The following HLTF variants were observed in gnomAD, a reference collection of about 807,000 sequenced individuals.
HLTF encodes the protein DNA-dependent ATPase/E3 ubiquitin-protein ligase HLTF.
In HLTF, 127 loss-of-function variants were observed where a neutral mutation model predicts 129.4. The observed-to-expected ratio is 0.98, with a 90% CI of 0.85 to 1.14. HLTF has a LOEUF of 1.14. Ranked by LOEUF, HLTF falls within the 50% of genes most tolerant of loss-of-function variation. The pLI, the probability that HLTF is intolerant of heterozygous loss-of-function variation, is 0.00. For missense variants in HLTF, 1,139 were observed against 1,187.1 expected (o/e 0.96, Z 0.60); for synonymous variants, 332 against 388.8 (o/e 0.85, Z 1.72).
chr3:149,041,880 C>T (rs556142248), intron 19 of HLTF: 2 of 577,280 alleles, frequency 3.5e-6, no homozygotes, highest in East Asian at 5.6e-5. Context: ...AGAGAAGCAT[C>T]ATTATAACAT....
chr3:149,077,114 G>A (rs1719428521), intron 2 of HLTF, among the ~76,000 whole-genome samples: 1 of 152,006 alleles, frequency 6.6e-6, no homozygotes, highest in Admixed American at 6.6e-5. Context: ...TGGGTGTGGT[G>A]GCACGCGCCT....
chr3:149,047,220 G>C (rs1180300068), intron 17 of HLTF, among the ~76,000 whole-genome samples: 1 of 134,542 alleles, frequency 7.4e-6, no homozygotes, highest in East Asian at 2.1e-4. Context: ...ATTACATCTT[G>C]CAAAATGGCT....
At chr3:149,033,183 T>C (rs931838406) in intron 24 of HLTF, among the ~76,000 whole-genome samples, 1 of 152,082 alleles carries the variant, frequency 6.6e-6, no homozygotes, top group Non-Finnish European at 1.5e-5. Context: ...TCAAGAATGG[T>C]CACTATCTGC....
Position 149,040,050 on chromosome 3 carries a change from T to C in HLTF, c.2483A>G (p.Glu828Gly), listed in dbSNP as rs1715991552. The C allele has an allele frequency of 6.2e-7, 1 of 1,611,292 alleles. No individual in the cohort carries two copies. Among genetic ancestry groups the C allele is most frequent in the Non-Finnish European group, 8.5e-7 (1 of 1,179,144 alleles). ...ARDSEKKSDM[E>G]WTSSSKINAL... ...CTTTACCTTTGAACTGGATGTCCAT[T>C]CCATATCAGACTTTTTCTCACTGTC... The change falls in exon 21 of 25, where the codon GAA becomes GGA. Residue 828 changes from glutamate to glycine, a missense_variant. Coordinates refer to ENST00000310053, the MANE Select transcript of HLTF (RefSeq NM_003071.4).
Position 149,082,671 on chromosome 3 carries a change from T to C in HLTF, c.228+2011A>G, listed in dbSNP as rs189303232. Among the ~76,000 whole-genome samples, 190 of 152,222 alleles carry C rather than the reference T, an allele frequency of 1.2e-3. 1 individual carries two copies. Among genetic ancestry groups the C allele is most frequent in the African/African-American group, 4.2e-3 (176 of 41,530 alleles). ...CATTTTATCATACGTAAACCACATC[T>C]CAATAAAGTAGAAAAAAAATTAAAA... On this transcript the variant is annotated intron_variant, in intron 2 of 24. Coordinates refer to ENST00000310053, the MANE Select transcript of HLTF (RefSeq NM_003071.4).
intron 7 of HLTF, 72 bp downstream of exon 7, chr3:149,071,180 A>C: frequency 1.1e-6 from 1 of 952,016 alleles, no homozygotes; most frequent in Admixed American, 2.5e-5. Context: ...ATCTCTTTTT[A>C]CTTCAAAATT....
At chr3:149,038,892 TA>T (rs1244978498) in intron 23 of HLTF, among the ~76,000 whole-genome samples, 156 bp downstream of exon 23, 2 of 152,256 alleles carry the variant, frequency 1.3e-5, no homozygotes, top group African/African-American at 4.8e-5. Context: ...AGAAAGCTCT[TA>T]ATCCACATTT....
chr3:149,032,957 CA>C (rs67952189), intron 24 of HLTF, among the ~76,000 whole-genome samples: 35 of 67,710 alleles, frequency 5.2e-4, no homozygotes, highest in Admixed American at 6.3e-4. Context: ...AGCGACGTCT[CA>C]AAAAAAAAAA....
chr3:149,047,175 T>C (rs922673800), intron 17 of HLTF, among the ~76,000 whole-genome samples: 13 of 148,790 alleles, frequency 8.7e-5, no homozygotes, highest in Admixed American at 7.5e-4. Context: ...ATCTTCAGTC[T>C]ATAAACCGGT....
intron 24 of HLTF, 90 bp from the exon 25 acceptor site, chr3:149,032,462 G>A: frequency 1.3e-6 from 1 of 745,036 alleles, no homozygotes; most frequent in South Asian, 2.4e-5. Context: ...TTTGCCTAAT[G>A]GCAAAAACCG....
intron 18 of HLTF, among the ~76,000 whole-genome samples, chr3:149,045,004 G>A (rs973557303): frequency 2.0e-5 from 3 of 152,012 alleles, no homozygotes; most frequent in Admixed American, 1.3e-4. Flanking sequence ...ATCAGATTAC[G>A]TCCCTCTCCT....
In HLTF at chr3:149,063,432, T is replaced by A. The variant is rs1166827125; in HGVS notation, c.1159A>T (p.Arg387Ter). ...CATAATCAAACCATAATAGTTTACCTTTTGGGGCGGGAGCTAGACAATTCT... is the reference window on the plus strand; with the variant it reads ...CATAATCAAACCATAATAGTTTACCATTTGGGGCGGGAGCTAGACAATTCT... Reference protein sequence around the residue: ...MSELSSSRPKRRKTAVQYIES... With the variant: ...MSELSSSRPK The change falls in exon 10 of 25, where the codon AGA becomes TGA. Residue 387 changes from arginine (R) to a stop codon, truncating the protein, a stop_gained and splice_region_variant. Coordinates refer to ENST00000310053, the MANE Select transcript of HLTF (RefSeq NM_003071.4). LOFTEE classifies it high-confidence loss of function. 2 of 1,558,938 alleles carry A rather than the reference T, an allele frequency of 1.3e-6. No homozygotes were observed. The highest frequency in any genetic ancestry group is 1.8e-6 in the Non-Finnish European group (2 of 1,129,884).
Position 149,030,724 on chromosome 3 carries a change from G to C in HLTF, c.*1496C>G, listed in dbSNP as rs1430849098. 1 of 152,170 alleles carries C rather than the reference G, an allele frequency of 6.6e-6. No homozygotes were observed. The highest frequency in any genetic ancestry group is 6.5e-5 in the Admixed American group (1 of 15,276). The allele number at this position is 152,170 out of a possible 1,614,324, so 9.4% of individuals were successfully genotyped here. A position where few individuals can be genotyped will look rare whatever the true frequency, so the allele number is the denominator to read the frequency against. ...TATTCCACTATCATCCCTGCAGAAA[G>C]GTCTTGGTTTTGATGAAAATCAGCC... On this transcript the variant is annotated 3_prime_UTR_variant, in exon 25 of 25. Coordinates refer to ENST00000310053, the MANE Select transcript of HLTF (RefSeq NM_003071.4).
rs1435172002 is a variant in HLTF, at chr3:149,075,955, T to C, written c.321A>G (p.Gln107=). The C allele has an allele frequency of 1.3e-6, 2 of 1,590,006 alleles. No homozygotes were observed. The highest frequency in any genetic ancestry group is 1.1e-5 in the South Asian group (1 of 90,390). The part of the protein sequence containing the change: ...AIKVNNVNGN[Q]VGHLKKELAG... ...CAAGCTCTTTCTTTAAATGGCCAAC[T>C]TGATTTCCATTCACATTGTTTACTT... The change falls in exon 3 of 25, where the codon CAA becomes CAG. Residue 107 remains glutamine (Q), a synonymous_variant. Coordinates refer to ENST00000310053, the MANE Select transcript of HLTF (RefSeq NM_003071.4).
chr3:149,047,197 A>C (rs1314219083), intron 17 of HLTF, among the ~76,000 whole-genome samples: 2 of 57,500 alleles, frequency 3.5e-5, no homozygotes, highest in Non-Finnish European at 6.2e-5. Context: ...CTTTAGCCAA[A>C]AAGTTGAACC....
chr3:149,064,824 T>G lies in HLTF; in HGVS notation c.1033A>C (p.Asn345His), dbSNP rs745426954. Residue 345 changes from asparagine (N) to histidine (H), a missense_variant, in exon 9 of 25, where the codon AAT becomes CAT. Coordinates refer to ENST00000310053, the MANE Select transcript of HLTF (RefSeq NM_003071.4). ...NDDSMKLGGN[N>H]TSEKADGLSK... ...AGTCCATCTGCCTTTTCACTGGTAT[T>G]GTTTCCTCCAAGTTTCATAGAGTCA... 1 of 1,602,532 alleles carries G rather than the reference T, an allele frequency of 6.2e-7. No individual in the cohort carries two copies. The highest frequency in any genetic ancestry group is 1.3e-5 in the African/African-American group (1 of 74,654).
At chr3:149,039,765 T>C (rs1219784979) in intron 21 of HLTF, 72 bp from the exon 22 acceptor site, 3 of 821,268 alleles carry the variant, frequency 3.7e-6, no homozygotes, top group South Asian at 4.2e-5. Flanking sequence ...GTTTTTATCA[T>C]AAAGAAAAGG....
At chr3:149,081,583 G>A (rs542186625) in intron 2 of HLTF, among the ~76,000 whole-genome samples, 8 of 151,950 alleles carry the variant, frequency 5.3e-5, no homozygotes, top group Non-Finnish European at 1.2e-4. Flanking sequence ...AAAAAGACAC[G>A]AATGTGTAAC....
chr3:149,047,907 A>G (rs1409616800), intron 17 of HLTF, 121 bp downstream of exon 17: 6 of 745,134 alleles, frequency 8.1e-6, no homozygotes, highest in Non-Finnish European at 1.2e-5. Context: ...GTACTGAGCC[A>G]TAAACACTTT....
Sources: allele counts gnomAD v4.1 joint callset (sites outside exome capture counted in the v4.1 genomes callset), GRCh38; gene constraint gnomAD v4.1.1; transcripts MANE v1.5; gene names NCBI Gene and HGNC (gene_info 2026-07-23, HGNC 2026-07-21).